The following PHF12 variants were observed in gnomAD, a reference collection of about 807,000 sequenced individuals.
PHF12 encodes the protein PHD factor 1.
PHF12 carries 6 observed loss-of-function variants against 99.8 expected under a neutral mutation model. The observed-to-expected ratio is 0.06, with a 90% CI of 0.03 to 0.12. The LOEUF is 0.12. PHF12 is among the 10% of genes least tolerant of loss of function. The pLI is 1.00. For synonymous variants in PHF12, 480 were observed against 514.9 expected, an observed-to-expected ratio of 0.93 and a Z score of 0.92; for missense variants, 954 against 1,300.1, an observed-to-expected ratio of 0.73 and a Z score of 4.09.
At position 28,931,588 on chromosome 17, in the gene PHF12, T is replaced by G. The variant is rs1373439959; in HGVS notation, c.249-4525A>C. ...ATCACTTCTTAAGATCTGCTTTTTT[T>G]TTGTTTGTTTTGAGATGTAGTCTCA... is the stretch of plus-strand genomic sequence containing the variant. On this transcript the variant is annotated intron_variant, in intron 2 of 14. Transcript: ENST00000332830. Among the ~76,000 whole-genome samples, 4 of 150,146 alleles carry G rather than the reference T, an allele frequency of 2.7e-5. No homozygotes were observed. In the East Asian group the frequency reaches 6.0e-4, roughly 22 times the overall value.
intron 2 of PHF12, among the ~76,000 whole-genome samples, chr17:28,938,189 T>C (rs558376495): frequency 6.6e-6 from 1 of 152,310 alleles, no homozygotes; most frequent in East Asian, 1.9e-4. Context: ...AAACAAAAAA[T>C]ACTAACAATG....
In PHF12 at chr17:28,906,996, T is replaced by TGAG. The variant is rs752545014; in HGVS notation, c.2542-5_2542-3dup. On this transcript the variant is annotated splice_polypyrimidine_tract_variant and splice_region_variant and intron_variant, in intron 13 of 14. Transcript: ENST00000332830. The surrounding 1 kb of genome is among the most constrained non-coding windows in gnomAD (Gnocchi z 4.2). The stretch of plus-strand genomic sequence containing the variant: ...TAACAGCTCATAATGTTTGGTATTC[T>TGAG]GAGGAGGAGGAGGGGAGATAAGATG... 3 of 1,603,500 alleles carry TGAG rather than the reference T, an allele frequency of 1.9e-6. No homozygotes were observed. Among genetic ancestry groups the TGAG allele is most frequent in the South Asian group, 1.1e-5 (1 of 89,412 alleles).
At position 28,950,220 on chromosome 17, in the gene PHF12, G is replaced by T. The variant is rs773297135; in HGVS notation, c.93C>A (p.Pro31=). 1 of 1,611,150 alleles carries T rather than the reference G, an allele frequency of 6.2e-7. No homozygotes were observed. Among genetic ancestry groups the T allele is most frequent in the Non-Finnish European group, 8.5e-7 (1 of 1,179,902 alleles). The change falls in exon 2 of 15, where the codon CCC becomes CCA. Residue 31 remains proline, a synonymous_variant. Coordinates refer to ENST00000332830, the MANE Select transcript of PHF12 (RefSeq NM_001033561.2). The surrounding 1 kb of genome is among the most constrained non-coding windows in gnomAD (Gnocchi z 5.7). ...TGCGCTTTTCTGCCTCGTCCGTCTTGGGGGGAGCCAGCAGAGCTTGGATTT... is the reference window on the plus strand; with the variant it reads ...TGCGCTTTTCTGCCTCGTCCGTCTTTGGGGGAGCCAGCAGAGCTTGGATTT... ...MEQIQALLAP[P]KTDEAEKRSR...
intron 4 of PHF12, 127 bp downstream of exon 4, chr17:28,923,782 G>A: frequency 5.9e-6 from 7 of 1,178,044 alleles, no homozygotes; most frequent in Non-Finnish European, 8.2e-6. Context: ...ATCTCTCCAA[G>A]CAGAACTAGG....
chr17:28,945,386 T>A (rs2040703179), intron 2 of PHF12: 1 of 152,182 alleles, frequency 6.6e-6, no homozygotes, highest in Non-Finnish European at 1.5e-5. Context: ...ACCTTTTTAC[T>A]CTCATTCTTC....
intron 2 of PHF12, among the ~76,000 whole-genome samples, chr17:28,941,114 T>C (rs1281780718): frequency 6.6e-6 from 1 of 151,640 alleles, no homozygotes; most frequent in Non-Finnish European, 1.5e-5. Context: ...TTCCAGGAGC[T>C]TGTGCTGCAT....
chr17:28,939,682 C>G (rs185474354), intron 2 of PHF12, among the ~76,000 whole-genome samples: 184 of 152,310 alleles, frequency 1.2e-3, no homozygotes, highest in Non-Finnish European at 1.8e-3. Flanking sequence ...TCATTAGTTT[C>G]TCTGCTCTGT....
intron 7 of PHF12, among the ~76,000 whole-genome samples, chr17:28,916,085 C>T (rs1156798343): frequency 6.6e-6 from 1 of 152,226 alleles, no homozygotes; most frequent in Non-Finnish European, 1.5e-5. Flanking sequence ...TTTGGAAAAC[C>T]TGTGTCTCCA....
chr17:28,910,335 G>A lies in PHF12; in HGVS notation c.2250C>T (p.Ile750=). The A allele has an allele frequency of 1.2e-6, 2 of 1,613,812 alleles. No individual in the cohort carries two copies. The highest frequency in any genetic ancestry group is 1.7e-6 in the Non-Finnish European group (2 of 1,179,764). The part of the protein sequence containing the change: ...IEINMLDEKL[I]KFLALQRIHQ... Reference sequence around the variant, plus strand: ...GTATTCTCTGCAAGGCCAGAAACTTGATCAGCTTCTCGTCCAGCATATTTA... The same window carrying A: ...GTATTCTCTGCAAGGCCAGAAACTTAATCAGCTTCTCGTCCAGCATATTTA... The change falls in exon 11 of 15, where the codon ATC becomes ATT. Residue 750 remains isoleucine, a synonymous_variant. Transcript: ENST00000332830.
intron 6 of PHF12, among the ~76,000 whole-genome samples, chr17:28,918,276 TA>T (rs2040096995): frequency 6.6e-6 from 1 of 152,158 alleles, no homozygotes. Flanking sequence ...CACATTTGGG[TA>T]AACTGCTTAT....
In PHF12 at chr17:28,912,676, C is replaced by T; in HGVS notation, c.1895G>A (p.Cys632Tyr). The change falls in exon 9 of 15, where the codon TGT becomes TAT. Residue 632 changes from cysteine to tyrosine, a missense_variant. By Grantham distance (194) the Cys-to-Tyr change is radical. Around this residue, in one of 8 missense-constraint regions of PHF12, gnomAD observed 392 missense variants for 423.1 expected, o/e 0.93. Coordinates refer to ENST00000332830, the MANE Select transcript of PHF12 (RefSeq NM_001033561.2). Reference protein sequence around the residue: ...PSLPPSIPSSCASIENTSTLQ... With the variant: ...PSLPPSIPSSYASIENTSTLQ... ...AGTGCTGGTGTTCTCGATGCTGGCACAAGAGCTGGGAATGGAAGGGGGCAG... is the reference window on the plus strand; with the variant it reads ...AGTGCTGGTGTTCTCGATGCTGGCATAAGAGCTGGGAATGGAAGGGGGCAG... 8 of 1,614,226 alleles carry T rather than the reference C, an allele frequency of 5.0e-6. No homozygotes were observed. Among genetic ancestry groups the T allele is most frequent in the Non-Finnish European group, 6.8e-6 (8 of 1,180,040 alleles).
At chr17:28,910,086 T>C (rs774183516) in intron 11 of PHF12, 140 bp downstream of exon 11, 2 of 1,281,986 alleles carry the variant, frequency 1.6e-6, no homozygotes, top group East Asian at 2.3e-5. Context: ...AAAAAAACCA[T>C]GGTGCTTTAT....
intron 3 of PHF12, chr17:28,925,816 A>G (rs2040262412): frequency 6.6e-6 from 1 of 152,240 alleles, no homozygotes. Flanking sequence ...TAACGTAATT[A>G]AAACACCTGG....
chr17:28,944,045 C>A (rs768226881), intron 2 of PHF12, among the ~76,000 whole-genome samples: 1 of 152,186 alleles, frequency 6.6e-6, no homozygotes, highest in Non-Finnish European at 1.5e-5. Context: ...CTTGAACTTA[C>A]CAAGAACATA....
Position 28,923,965 on chromosome 17 carries a change from C to T in PHF12, c.659G>A (p.Arg220Gln), listed in dbSNP as rs749353615. 1.1e-5 allele frequency: 18 copies of T among 1,613,634 alleles called. No individual in the cohort carries two copies. Among genetic ancestry groups the T allele is most frequent in the Middle Eastern group, 1.7e-4 (1 of 5,872 alleles). ...GGGCAACTGAAATTGGGTGGGGTTC[C>T]GCTCCATGGCGGCAGCAATCAGCAG... ...FELLIAAAMERNPTQFQLPNE... is the reference protein window; with the variant it reads ...FELLIAAAMEQNPTQFQLPNE... Residue 220 changes from arginine (R) to glutamine (Q), a missense_variant, in exon 4 of 15, where the codon CGG becomes CAG. Physicochemically the swap from Arg to Gln is conservative, Grantham distance 43. Around this residue, in one of 8 missense-constraint regions of PHF12, gnomAD observed 85 missense variants for 196.6 expected, o/e 0.43. Coordinates refer to ENST00000332830, the MANE Select transcript of PHF12 (RefSeq NM_001033561.2).
chr17:28,907,532 T>C (rs1016880358), intron 13 of PHF12, 58 bp downstream of exon 13: 146 of 1,554,966 alleles, frequency 9.4e-5, no homozygotes, highest in Middle Eastern at 1.7e-4. Flanking sequence ...AAAAACCTAC[T>C]GCCTGGGAGA....
intron 5 of PHF12, among the ~76,000 whole-genome samples, chr17:28,920,402 A>G (rs1364712620): frequency 6.6e-6 from 1 of 152,234 alleles, no homozygotes. Context: ...TCCTATTTGA[A>G]GGAAACCAGT....
Position 28,912,828 on chromosome 17 carries a change from C to A in PHF12, c.1743G>T (p.Trp581Cys), listed in dbSNP as rs1205656577. 2.5e-6 allele frequency: 4 copies of A among 1,607,736 alleles called. No homozygotes were observed. Among genetic ancestry groups the A allele is most frequent in the South Asian group, 1.1e-5 (1 of 90,532 alleles). Reference sequence around the variant, plus strand: ...CCGCTGGTGGCGTGAGGGGCCGGGGCCAGCCTTGCCGGTGTGAGAGGCCTG... The same window carrying A: ...CCGCTGGTGGCGTGAGGGGCCGGGGACAGCCTTGCCGGTGTGAGAGGCCTG... ...PLPGLSHRQG[W>C]PRPLTPPAAG... The change falls in exon 9 of 15, where the codon TGG becomes TGT. Residue 581 changes from tryptophan (W) to cysteine (C), a missense_variant. Trp to Cys is a radical substitution (Grantham distance 215). Around this residue, in one of 8 missense-constraint regions of PHF12, gnomAD observed 392 missense variants for 423.1 expected, o/e 0.93. Transcript: ENST00000332830.
intron 4 of PHF12, among the ~76,000 whole-genome samples, chr17:28,922,603 T>C (rs924381544): frequency 2.6e-5 from 4 of 152,156 alleles, no homozygotes; most frequent in Admixed American, 1.3e-4. Context: ...CCTATAGACA[T>C]AGTCACACAT....
Sources: gnomAD v4.1 joint callset for allele counts (sites outside exome capture counted in the v4.1 genomes callset) on GRCh38, gnomAD v4.1.1 for gene constraint, gnomAD v4.1.1 regional missense constraint, Gnocchi (gnomAD v3.1) non-coding constraint, MANE v1.5 for transcripts, NCBI Gene and HGNC (gene_info 2026-07-23, HGNC 2026-07-21) for gene names.